The following IQCB1 variants were observed in gnomAD, a reference collection of about 807,000 sequenced individuals.
IQCB1 encodes IQ motif containing B1.
A neutral mutation model predicts 84.4 loss-of-function variants in IQCB1; 56 were observed. That is an observed-to-expected ratio of 0.66 (90% CI 0.54 to 0.83). IQCB1 has a LOEUF of 0.83. Among genes scored for constraint, IQCB1 ranks in the 40% least tolerant of loss-of-function variants. The pLI is 0.00. For synonymous variants in IQCB1, 210 were observed against 234.8 expected, an observed-to-expected ratio of 0.89 and a Z score of 0.96; for missense variants, 629 against 682.1, an observed-to-expected ratio of 0.92 and a Z score of 0.87.
chr3:121,802,754 T>C (rs896726688), intron 7 of IQCB1, among the ~76,000 whole-genome samples: 2 of 152,204 alleles, frequency 1.3e-5, no homozygotes, highest in Non-Finnish European at 1.5e-5. Flanking sequence ...CCGAGGTCAA[T>C]GATTTGAGAT....
Position 121,811,120 on chromosome 3 carries a change from C to T in IQCB1, c.394-2111G>A, listed in dbSNP as rs78422962. ...TCATTGGGACTGGTTAGACAATGGG[C>T]GCAGCCCACAGATGGCAAGCAGAAG... On this transcript the variant is annotated intron_variant, in intron 5 of 14. Transcript: ENST00000310864. Among the ~76,000 whole-genome samples, 120 of 152,146 alleles carry T rather than the reference C, an allele frequency of 7.9e-4. No individual in the cohort carries two copies. The East Asian group carries it at 0.016, about 20-fold the overall frequency.
At chr3:121,822,967 A>T (rs1950327809) in intron 5 of IQCB1, among the ~76,000 whole-genome samples, 1 of 152,226 alleles carries the variant, frequency 6.6e-6, no homozygotes, top group African/African-American at 2.4e-5. Context: ...AAAAACAGAT[A>T]ATAAAAAGAC....
intron 14 of IQCB1, among the ~76,000 whole-genome samples, chr3:121,771,391 C>T (rs559112562): frequency 5.9e-5 from 9 of 151,852 alleles, no homozygotes; most frequent in African/African-American, 9.7e-5. Context: ...TGCAGTAGCG[C>T]GATCTCTGCT....
At chr3:121,792,492 T>C (rs947579614) in intron 10 of IQCB1, among the ~76,000 whole-genome samples, 13 of 146,060 alleles carry the variant, frequency 8.9e-5, no homozygotes, top group African/African-American at 3.1e-4. Context: ...ACCCCGTCTC[T>C]ACTAAAAAAT....
At chr3:121,776,240 T>C (rs1025367903) in intron 13 of IQCB1, among the ~76,000 whole-genome samples, 1 of 152,132 alleles carries the variant, frequency 6.6e-6, no homozygotes, top group African/African-American at 2.4e-5. Context: ...TTCATCCATG[T>C]TGTTGAGAGT....
At chr3:121,785,218 A>C (rs766228123) in intron 12 of IQCB1, among the ~76,000 whole-genome samples, 2 of 151,814 alleles carry the variant, frequency 1.3e-5, no homozygotes, top group Admixed American at 1.3e-4. Context: ...CCTGAGGGAC[A>C]CACTCATTGA....
rs34302377 is a variant in IQCB1 at position 121,780,883 on chromosome 3, T to TGTGTGTGAGAGAGA, written c.1410+859_1410+860insTCTCTCTCACACAC. Among the ~76,000 whole-genome samples the TGTGTGTGAGAGAGA allele has an allele frequency of 3.4e-5, 5 of 148,794 alleles. No individual in the cohort carries two copies. The South Asian group carries it at 1.1e-3, about 32-fold the overall frequency. On this transcript the variant is annotated intron_variant, in intron 13 of 14. Coordinates refer to ENST00000310864, the MANE Select transcript of IQCB1 (RefSeq NM_001023570.4). ...GTGTGTATGTGTGTGTGTGTGTGTG[T>TGTGTGTGAGAGAGA]GAGAGAGAGAGAGAGAATGAACTCA...
intron 2 of IQCB1, among the ~76,000 whole-genome samples, chr3:121,833,109 C>T (rs1559808987): frequency 6.6e-6 from 1 of 152,098 alleles, no homozygotes; most frequent in Non-Finnish European, 1.5e-5. Flanking sequence ...CCTACCTATC[C>T]CTTAGAGATG....
Position 121,772,627 on chromosome 3 carries a change from T to C in IQCB1, c.1497A>G (p.Leu499=). The C allele has an allele frequency of 6.2e-7, 1 of 1,614,224 alleles. No homozygotes were observed. The highest frequency in any genetic ancestry group is 8.5e-7 in the Non-Finnish European group (1 of 1,180,030). The part of the protein sequence containing the change: ...RLQHYFMGRA[L]EERAQQHREA... The stretch of plus-strand genomic sequence containing the variant: ...CTCTGTGCTGCTGGGCTCGCTCTTC[T>C]AGGGCCCTGCCCATAAAGTAGTGTT... The change falls in exon 14 of 15, where the codon CTA becomes CTG. Residue 499 remains leucine (L), a synonymous_variant. Transcript: ENST00000310864.
intron 1 of IQCB1, 23 bp downstream of exon 1, chr3:121,834,943 A>T: frequency 2.7e-6 from 1 of 363,682 alleles, no homozygotes; most frequent in Non-Finnish European, 5.1e-6. Flanking sequence ...CTCCCTCCCC[A>T]GCCACCACCT....
At chr3:121,779,971 C>T (rs1444860722) in intron 13 of IQCB1, among the ~76,000 whole-genome samples, 2 of 152,200 alleles carry the variant, frequency 1.3e-5, no homozygotes, top group South Asian at 2.1e-4. Flanking sequence ...TCCAGACACA[C>T]TTCCGTCTTA....
chr3:121,817,371 C>A (rs1950107763), intron 5 of IQCB1, among the ~76,000 whole-genome samples: 1 of 151,772 alleles, frequency 6.6e-6, no homozygotes, highest in Non-Finnish European at 1.5e-5. Context: ...CACATGTATA[C>A]CCATGTAACA....
In IQCB1 at chr3:121,824,475, G is replaced by T. The variant is rs1039061799; in HGVS notation, c.393+1576C>A. Among the ~76,000 whole-genome samples the T allele has an allele frequency of 6.6e-5, 10 of 152,096 alleles. 1 individual carries two copies. The highest frequency in any genetic ancestry group is 4.6e-4 in the Admixed American group (7 of 15,270). On this transcript the variant is annotated intron_variant, in intron 5 of 14. Coordinates refer to ENST00000310864, the MANE Select transcript of IQCB1 (RefSeq NM_001023570.4). ...TGAAACCATGAAAGGTGAAACTGCA[G>T]AAAGTGTATCATGTAAACACTAATC...
intron 2 of IQCB1, among the ~76,000 whole-genome samples, chr3:121,833,104 C>G (rs1950706344): frequency 6.6e-6 from 1 of 152,168 alleles, no homozygotes. Flanking sequence ...GGCAACCTAC[C>G]TATCCCTTAG....
Position 121,788,299 on chromosome 3 carries a change from G to C in IQCB1, c.1263C>G (p.Val421=), listed in dbSNP as rs758565369. Residue 421 remains valine, a synonymous_variant, in exon 12 of 15, where the codon GTC becomes GTG. Coordinates refer to ENST00000310864, the MANE Select transcript of IQCB1 (RefSeq NM_001023570.4). ...RQSLIEYKAA[V]TLQRAALKFL... is the part of the protein sequence containing the mutation. ...TTAGACTCACTGCTCTTTGAAGTGTGACAGCTGCTTTATACTCTATGAGAG... is the reference window on the plus strand; with the variant it reads ...TTAGACTCACTGCTCTTTGAAGTGTCACAGCTGCTTTATACTCTATGAGAG... 7 of 1,613,966 alleles carry C rather than the reference G, an allele frequency of 4.3e-6. No individual in the cohort carries two copies. The Middle Eastern group carries it at 5.0e-4, about 114-fold the overall frequency.
chr3:121,781,965 CAAT>C, intron 12 of IQCB1, 91 bp from the exon 13 acceptor site: 1 of 1,263,080 alleles, frequency 7.9e-7, no homozygotes, highest in African/African-American at 1.5e-5. Context: ...GATCACATTG[CAAT>C]AATGATTAAC....
chr3:121,780,807 A>T (rs1948440029), intron 13 of IQCB1, among the ~76,000 whole-genome samples: 1 of 152,224 alleles, frequency 6.6e-6, no homozygotes, highest in Non-Finnish European at 1.5e-5. Flanking sequence ...AGCCTCTAAC[A>T]TCAGTTATCC....
intron 13 of IQCB1, among the ~76,000 whole-genome samples, chr3:121,773,800 ACTC>A (rs1948107607): frequency 6.6e-6 from 1 of 151,972 alleles, no homozygotes. Context: ...AAACTGTAAA[ACTC>A]CTAGAAGAAA....
chr3:121,778,655 C>T (rs6775544), intron 13 of IQCB1, among the ~76,000 whole-genome samples: 97,718 of 151,720 alleles, frequency 0.64, 31,921 homozygotes, highest in African/African-American at 0.71. Flanking sequence ...CCTATAATCC[C>T]AGCACTTTGG....
Sources: gnomAD v4.1 joint callset for allele counts (sites outside exome capture counted in the v4.1 genomes callset) on GRCh38, gnomAD v4.1.1 for gene constraint, MANE v1.5 for transcripts, NCBI Gene and HGNC (gene_info 2026-07-23, HGNC 2026-07-21) for gene names.